DIP2B: variants seen among roughly 807,000 people sequenced by gnomAD.
The protein encoded by DIP2B is disco-interacting protein 2 homolog B.
Under a neutral mutation model 198.0 loss-of-function variants are expected in DIP2B, and 76 were observed. The observed-to-expected ratio is 0.38, with a 90% confidence interval of 0.32 to 0.46. The LOEUF (loss-of-function observed/expected upper bound fraction) is 0.46. Among genes scored for constraint, DIP2B ranks in the 20% least tolerant of loss-of-function variants. The pLI, the probability that DIP2B is intolerant of heterozygous loss-of-function variation, is 0.99. For missense variants in DIP2B, 1,559 were observed against 1,978.4 expected, an observed-to-expected ratio of 0.79 and a Z score of 4.02; for synonymous variants, 701 against 739.1, an observed-to-expected ratio of 0.95 and a Z score of 0.84.
intron 16 of DIP2B, among the ~76,000 whole-genome samples, chr12:50,696,308 A>G (rs1214014244): frequency 6.6e-6 from 1 of 152,100 alleles, no homozygotes; most frequent in Admixed American, 6.6e-5. Flanking sequence ...GGTCTTTGTG[A>G]TGGGCTTCTT....
chr12:50,521,172 T>C (rs1210920753), intron 1 of DIP2B, among the ~76,000 whole-genome samples: 1 of 147,608 alleles, frequency 6.8e-6, no homozygotes, highest in South Asian at 2.2e-4. Flanking sequence ...AGTGGCGCGA[T>C]GTCAGGTCAC....
chr12:50,676,537 T>C (rs542386365), intron 7 of DIP2B, among the ~76,000 whole-genome samples: 42 of 152,346 alleles, frequency 2.8e-4, no homozygotes, highest in African/African-American at 9.1e-4. Flanking sequence ...GTTTTTAGCA[T>C]TGGGTATTGA....
At chr12:50,742,890 T>C (rs1192441515) in intron 37 of DIP2B, among the ~76,000 whole-genome samples, 1 of 151,480 alleles carries the variant, frequency 6.6e-6, no homozygotes, top group Non-Finnish European at 1.5e-5. Context: ...AGCGAAACTC[T>C]GTCTCAAAAA....
intron 1 of DIP2B, among the ~76,000 whole-genome samples, chr12:50,507,585 A>C (rs890352627): frequency 1.3e-5 from 2 of 152,048 alleles, no homozygotes; most frequent in African/African-American, 2.4e-5. Context: ...GGAGTCTCAC[A>C]CTGTTGCCCG....
chr12:50,651,768 C>T (rs1938457462), intron 3 of DIP2B, among the ~76,000 whole-genome samples: 1 of 152,096 alleles, frequency 6.6e-6, no homozygotes, highest in Non-Finnish European at 1.5e-5. Flanking sequence ...CACAATCTCA[C>T]TGTGTTTCCC....
intron 1 of DIP2B, among the ~76,000 whole-genome samples, chr12:50,599,913 GTAATT>G (rs1213488705): frequency 1.3e-5 from 2 of 152,124 alleles, no homozygotes; most frequent in Non-Finnish European, 2.9e-5. Flanking sequence ...TCCTGATCAT[GTAATT>G]TATGACAACA....
Position 50,680,741 on chromosome 12 carries a change from C to T in DIP2B, c.1184C>T (p.Pro395Leu). Residue 395 changes from proline (P) to leucine (L), a missense_variant, in exon 9 of 38, where the codon CCT (proline) becomes CTT (leucine). Pro to Leu is a moderately conservative substitution (Grantham distance 98). Coordinates refer to ENST00000301180, the MANE Select transcript of DIP2B (RefSeq NM_173602.3). ...AATAAACTGGGGACCAAAAATGAAC[C>T]TGTGTTAAAACCTGGAGACAGGGTA... ...LLNKLGTKNE[P>L]VLKPGDRVAL... 1.2e-6 allele frequency: 2 copies of T among 1,613,712 alleles called. No homozygotes were observed. Among genetic ancestry groups the T allele is most frequent in the Non-Finnish European group, 1.7e-6 (2 of 1,179,902 alleles).
Position 50,505,151 on chromosome 12 carries a change from G to C in DIP2B, c.11G>C (p.Arg4Pro), listed in dbSNP as rs888393696. The change falls in exon 1 of 38, where the codon CGA (arginine) becomes CCA (proline). Residue 4 changes from arginine to proline, a missense_variant. Physicochemically the swap from Arg to Pro is moderately radical, Grantham distance 103. Coordinates refer to ENST00000301180, the MANE Select transcript of DIP2B (RefSeq NM_173602.3). MAE[R>P]GLEPSPAAVA... ...GCTGGCGGAGCTGGGATGGCGGAAC[G>C]AGGCCTGGAGCCGTCGCCGGCCGCG... 2.7e-5 allele frequency: 41 copies of C among 1,529,372 alleles called. No homozygotes were observed. The highest frequency in any genetic ancestry group is 3.5e-5 in the Non-Finnish European group (40 of 1,143,368). 94.7% of individuals were successfully genotyped at this position (1,529,372 alleles called of 1,614,324 possible).
At chr12:50,734,251 C>A in intron 33 of DIP2B, 55 bp downstream of exon 33, 1 of 1,580,116 alleles carries the variant, frequency 6.3e-7, no homozygotes, top group South Asian at 1.1e-5. Flanking sequence ...ATAACAAATT[C>A]GGAACCTCAA....
intron 1 of DIP2B, among the ~76,000 whole-genome samples, chr12:50,542,415 C>G: frequency 6.6e-6 from 1 of 151,970 alleles, no homozygotes; most frequent in East Asian, 1.9e-4. Flanking sequence ...TTAATTTTCT[C>G]TCATAAAAGG....
rs200566235 is a variant in DIP2B at position 50,675,272 on chromosome 12, G to A, written c.797-57G>A. ...AATAAAAGCTCCTGAGGGAACTGAG[G>A]AACTAAAATATCCTTACAGTCAATG... is the stretch of plus-strand genomic sequence containing the variant. On this transcript the variant is annotated intron_variant, in intron 6 of 37. Coordinates refer to ENST00000301180, the MANE Select transcript of DIP2B (RefSeq NM_173602.3). The A allele has an allele frequency of 1.0e-3, 1,634 of 1,582,458 alleles. 5 individuals carry two copies. The highest frequency in any genetic ancestry group is 1.2e-3 in the Non-Finnish European group (1,425 of 1,164,664).
At chr12:50,572,370 A>G (rs1046029847) in intron 1 of DIP2B, among the ~76,000 whole-genome samples, 3 of 152,216 alleles carry the variant, frequency 2.0e-5, no homozygotes, top group Non-Finnish European at 4.4e-5. Context: ...TATATTTCCT[A>G]GAAGAAAAAT....
At chr12:50,723,467 C>T in intron 27 of DIP2B, 144 bp downstream of exon 27, 1 of 1,165,886 alleles carries the variant, frequency 8.6e-7, no homozygotes. Context: ...GTTAATCCAG[C>T]CAAAGCAGTC....
Position 50,708,483 on chromosome 12 carries a change from A to G in DIP2B, c.2570A>G (p.Glu857Gly), listed in dbSNP as rs1939554973. The change falls in exon 22 of 38, where the codon GAG (glutamate) becomes GGG (glycine). Residue 857 changes from glutamate (E) to glycine (G), a missense_variant. Glu to Gly is a moderately conservative substitution (Grantham distance 98, BLOSUM62 -2). Transcript: ENST00000301180. ...AVFSVSVFYDERIVVVAEQRP... is the reference protein window; with the variant it reads ...AVFSVSVFYDGRIVVVAEQRP... ...TTTTCTGTGTCTGTATTTTATGATGAGCGCATTGTGGTGGTTGCGGAACAA... is the reference window on the plus strand; with the variant it reads ...TTTTCTGTGTCTGTATTTTATGATGGGCGCATTGTGGTGGTTGCGGAACAA... 6.2e-7 allele frequency: 1 copy of G among 1,607,574 alleles called. No individual in the cohort carries two copies. The highest frequency in any genetic ancestry group is 1.3e-5 in the African/African-American group (1 of 74,972).
At position 50,683,233 on chromosome 12, in the gene DIP2B, A is replaced by G. The variant is rs1445532423; in HGVS notation, c.1302A>G (p.Val434=). Residue 434 remains valine (V), a synonymous_variant, in exon 10 of 38, where the codon GTA becomes GTG. Transcript: ENST00000301180. The part of the protein sequence containing the change: ...LAEVIPVPIE[V]PLTRKDAGGQ... ...AAGTGATTCCAGTGCCTATAGAGGT[A>G]CCTCTTACCAGAAAGGTAACATTGC... is the stretch of plus-strand genomic sequence containing the variant. The G allele has an allele frequency of 6.2e-7, 1 of 1,609,552 alleles. No homozygotes were observed. The highest frequency in any genetic ancestry group is 1.3e-5 in the African/African-American group (1 of 74,696).
At chr12:50,643,972 T>C (rs1938305172) in intron 3 of DIP2B, among the ~76,000 whole-genome samples, 1 of 152,264 alleles carries the variant, frequency 6.6e-6, no homozygotes. Flanking sequence ...GTGATGGCTA[T>C]GTAAGAAGGA....
intron 12 of DIP2B, among the ~76,000 whole-genome samples, chr12:50,687,785 G>A (rs942560911): frequency 2.6e-5 from 4 of 151,864 alleles, no homozygotes; most frequent in Admixed American, 6.6e-5. Context: ...TAATGCATGC[G>A]GGGCTTAAAA....
chr12:50,578,344 CT>C (rs901350688), intron 1 of DIP2B, among the ~76,000 whole-genome samples: 3 of 139,596 alleles, frequency 2.1e-5, no homozygotes, highest in East Asian at 4.5e-4. Flanking sequence ...ACCCGTACAT[CT>C]TTTTTTTGTT....
At chr12:50,660,097 T>TC in intron 3 of DIP2B, 97 bp from the exon 4 acceptor site, 3 of 1,235,444 alleles carry the variant, frequency 2.4e-6, no homozygotes, top group Non-Finnish European at 3.2e-6. Context: ...TACCTTTTTT[T>TC]TTTTTTTTAA....
Sources: allele counts gnomAD v4.1 joint callset (sites outside exome capture counted in the v4.1 genomes callset), GRCh38; gene constraint gnomAD v4.1.1; transcripts MANE v1.5; gene names NCBI Gene and HGNC (gene_info 2026-07-23, HGNC 2026-07-21).